TRAK1: variants seen among roughly 807,000 people sequenced by gnomAD.
TRAK1 encodes the protein trafficking kinesin protein 1, also known as trafficking kinesin-binding protein 1.
A neutral mutation model predicts 92.1 loss-of-function variants in TRAK1; 33 were observed. The observed-to-expected ratio is 0.36, with a 90% CI of 0.27 to 0.48. The LOEUF is 0.48. Ranked by LOEUF, TRAK1 falls within the 20% of genes least tolerant of loss-of-function variation. The probability of loss-of-function intolerance (pLI) is 0.99; values close to 1 mark genes in which losing one functional copy is unlikely to be tolerated. For missense variants in TRAK1, 1,123 were observed against 1,257.9 expected (o/e 0.89, Z 1.62); for synonymous variants, 521 against 517.3 (o/e 1.01, Z -0.10).
intron 1 of TRAK1, among the ~76,000 whole-genome samples, chr3:42,032,795 T>A (rs1702198674): frequency 6.6e-6 from 1 of 152,148 alleles, no homozygotes; most frequent in Non-Finnish European, 1.5e-5. Context: ...TAGCGGTGCG[T>A]GCCTGTCGTT....
At chr3:42,212,302 A>G in intron 14 of TRAK1, 1 of 985,374 alleles carries the variant, frequency 1.0e-6, no homozygotes, top group Non-Finnish European at 1.2e-6. Flanking sequence ...ACCAAACAGC[A>G]CTATCCCAGG....
At chr3:42,047,483 G>A (rs1702801845) in intron 1 of TRAK1, among the ~76,000 whole-genome samples, 2 of 151,952 alleles carry the variant, frequency 1.3e-5, no homozygotes, top group Non-Finnish European at 2.9e-5. Context: ...GATTACAGGC[G>A]TAAGCCACCA....
At chr3:42,165,710 C>T (rs962319988) in intron 2 of TRAK1, among the ~76,000 whole-genome samples, 2 of 152,088 alleles carry the variant, frequency 1.3e-5, no homozygotes, top group African/African-American at 4.8e-5. Context: ...GGGTCAGTGT[C>T]GAAGGAGGAA....
intron 2 of TRAK1, among the ~76,000 whole-genome samples, chr3:42,126,212 A>G (rs1468730711): frequency 6.6e-6 from 1 of 152,078 alleles, no homozygotes; most frequent in Non-Finnish European, 1.5e-5. Flanking sequence ...TACCAAAAAT[A>G]CAAATCCTTA....
intron 1 of TRAK1, among the ~76,000 whole-genome samples, chr3:42,069,208 T>TGTA (rs1703806201): frequency 1.3e-5 from 2 of 151,866 alleles, no homozygotes; most frequent in South Asian, 4.2e-4. Flanking sequence ...GGTGCATGCC[T>TGTA]GTAGTCTCAG....
At chr3:42,105,339 T>C (rs776829492) in intron 1 of TRAK1, among the ~76,000 whole-genome samples, 1 of 152,166 alleles carries the variant, frequency 6.6e-6, no homozygotes, top group African/African-American at 2.4e-5. Flanking sequence ...TTGATGGAGC[T>C]GAAAACCATG....
In TRAK1 at chr3:42,026,033, C is replaced by A. The variant is rs572697408; in HGVS notation, c.-519+11916C>A. Reference sequence around the variant, plus strand: ...TGCTGTTTGTTCTTTCTTCTTTCTCCGTTTATCTTTCTCCCTCTGTCTCTT... The same window carrying A: ...TGCTGTTTGTTCTTTCTTCTTTCTCAGTTTATCTTTCTCCCTCTGTCTCTT... On this transcript the variant is annotated intron_variant, in intron 1 of 16. Coordinates refer to the TRAK1 transcript ENST00000487159. Among the ~76,000 whole-genome samples the A allele has an allele frequency of 1.3e-3, 193 of 151,694 alleles. 1 individual carries two copies. Among genetic ancestry groups the A allele is most frequent in the African/African-American group, 4.4e-3 (183 of 41,348 alleles).
chr3:42,014,876 G>T (rs1213702069), intron 1 of TRAK1, among the ~76,000 whole-genome samples: 1 of 151,408 alleles, frequency 6.6e-6, no homozygotes, highest in African/African-American at 2.4e-5. Flanking sequence ...TGTCAATACT[G>T]TCTGTGAGTG....
chr3:42,070,581 C>T (rs781132055), intron 1 of TRAK1, among the ~76,000 whole-genome samples: 2 of 152,064 alleles, frequency 1.3e-5, no homozygotes, highest in Non-Finnish European at 2.9e-5. Flanking sequence ...GTGCGCACTG[C>T]TGTATCTGGC....
At chr3:42,030,387 A>ATATG (rs1702084776) in intron 1 of TRAK1, among the ~76,000 whole-genome samples, 1 of 147,964 alleles carries the variant, frequency 6.8e-6, no homozygotes, top group Non-Finnish European at 1.5e-5. Flanking sequence ...ATATATATAT[A>ATATG]TATGGCCGGG....
At chr3:42,127,944 C>T (rs1301740864) in intron 2 of TRAK1, among the ~76,000 whole-genome samples, 3 of 151,998 alleles carry the variant, frequency 2.0e-5, no homozygotes, top group South Asian at 2.1e-4. Flanking sequence ...TTTGGGAGGC[C>T]GAGGCGGGTG....
At chr3:42,210,402 C>CT in intron 14 of TRAK1, 14 of 1,107,532 alleles carry the variant, frequency 1.3e-5, no homozygotes, top group Admixed American at 7.9e-5. Flanking sequence ...GGAAAGGCTG[C>CT]TAAAAAAAAA....
intron 15 of TRAK1, among the ~76,000 whole-genome samples, chr3:42,220,281 A>T (rs1210567488): frequency 6.6e-6 from 1 of 152,150 alleles, no homozygotes; most frequent in African/African-American, 2.4e-5. Context: ...AGCACCATCT[A>T]TGGGGAGGAC....
chr3:42,056,252 A>C (rs1407290692), intron 1 of TRAK1, among the ~76,000 whole-genome samples: 1 of 152,200 alleles, frequency 6.6e-6, no homozygotes, highest in South Asian at 2.1e-4. Context: ...ATTTTGATAA[A>C]TTGCCAGACT....
intron 1 of TRAK1, among the ~76,000 whole-genome samples, chr3:42,020,730 G>T (rs2148879592): frequency 6.6e-6 from 1 of 152,200 alleles, no homozygotes; most frequent in East Asian, 1.9e-4. Context: ...CTCTGGATTT[G>T]GTATATGAGA....
intron 7 of TRAK1, 28 bp downstream of exon 7, chr3:42,191,664 C>T (rs1705759061): frequency 1.9e-6 from 3 of 1,574,686 alleles, no homozygotes; most frequent in Non-Finnish European, 1.7e-6. Flanking sequence ...TGTCTTCTTA[C>T]TTCCTTGCAT....
At chr3:42,123,769 A>C (rs549202663) in intron 1 of TRAK1, among the ~76,000 whole-genome samples, 148 of 151,260 alleles carry the variant, frequency 9.8e-4, no homozygotes, top group African/African-American at 3.5e-3. Context: ...CTGAAGAGTG[A>C]GTTTGGTCCT....
chr3:42,208,943 C>T (rs1314304227), intron 13 of TRAK1, among the ~76,000 whole-genome samples: 1 of 152,206 alleles, frequency 6.6e-6, no homozygotes, highest in Non-Finnish European at 1.5e-5. Context: ...GTTTCCTGAG[C>T]ATGCTTGGCC....
At chr3:42,025,397 G>A (rs1701875329) in intron 1 of TRAK1, among the ~76,000 whole-genome samples, 1 of 152,134 alleles carries the variant, frequency 6.6e-6, no homozygotes. Flanking sequence ...GATAAGTTGT[G>A]TATTTTAAGG....
Sources: gnomAD v4.1 joint callset for allele counts (sites outside exome capture counted in the v4.1 genomes callset) on GRCh38, gnomAD v4.1.1 for gene constraint, MANE v1.5 for transcripts, NCBI Gene and HGNC (gene_info 2026-07-23, HGNC 2026-07-21) for gene names.